Variants in LUZP2 observed in about 807,000 individuals in gnomAD.
The protein encoded by LUZP2 is leucine zipper protein 2.
LUZP2 carries 52 observed loss-of-function variants against 51.6 expected under a neutral mutation model. The observed-to-expected ratio is 1.01, with a 90% confidence interval of 0.81 to 1.27. The LOEUF (loss-of-function observed/expected upper bound fraction) is 1.27. LUZP2 is among the 50% of genes most tolerant of loss of function. The pLI is 0.00. For synonymous variants in LUZP2, 154 were observed against 137.3 expected (o/e 1.12, Z -0.85); for missense variants, 436 against 395.4 (o/e 1.10, Z -0.87).
chr11:24,501,618 G>T (rs546105508), intron 1 of LUZP2, among the ~76,000 whole-genome samples: 3 of 152,146 alleles, frequency 2.0e-5, no homozygotes, highest in South Asian at 4.2e-4. Flanking sequence ...TAAAATTATG[G>T]TTCCTTTTCT....
At chr11:24,844,177 G>T (rs1372530633) in intron 5 of LUZP2, among the ~76,000 whole-genome samples, 1 of 152,152 alleles carries the variant, frequency 6.6e-6, no homozygotes, top group Non-Finnish European at 1.5e-5. Context: ...GAATGGTTTT[G>T]CCCAATAATA....
intron 5 of LUZP2, among the ~76,000 whole-genome samples, chr11:24,857,345 T>G (rs1565000803): frequency 6.7e-6 from 1 of 149,130 alleles, no homozygotes; most frequent in Non-Finnish European, 1.5e-5. Context: ...ATATATAATA[T>G]ATATGTTTTT....
chr11:24,579,496 C>T (rs978963791), intron 1 of LUZP2, among the ~76,000 whole-genome samples: 10 of 152,134 alleles, frequency 6.6e-5, no homozygotes, highest in Middle Eastern at 3.4e-3. Flanking sequence ...TTGCAAAGGA[C>T]AAAATTGTTG....
chr11:24,539,557 C>A (rs1235528549), intron 1 of LUZP2, among the ~76,000 whole-genome samples: 1 of 151,956 alleles, frequency 6.6e-6, no homozygotes, highest in African/African-American at 2.4e-5. Context: ...CCTCCCCTTA[C>A]CGATTTTGAT....
At chr11:25,060,636 T>A (rs554583716) in intron 10 of LUZP2, among the ~76,000 whole-genome samples, 1 of 152,322 alleles carries the variant, frequency 6.6e-6, no homozygotes, top group Non-Finnish European at 1.5e-5. Context: ...ACAAATGAGA[T>A]AAAATGAGGT....
chr11:24,995,077 T>C (rs1300471003), intron 9 of LUZP2, among the ~76,000 whole-genome samples: 5 of 152,188 alleles, frequency 3.3e-5, no homozygotes, highest in Non-Finnish European at 7.3e-5. Flanking sequence ...AATAAATTGA[T>C]ATAGGTTTTG....
intron 1 of LUZP2, among the ~76,000 whole-genome samples, chr11:24,526,921 C>A (rs1260200050): frequency 6.6e-6 from 1 of 151,326 alleles, no homozygotes. Flanking sequence ...AGGTGGCACT[C>A]TAAGGGGTCT....
intron 5 of LUZP2, among the ~76,000 whole-genome samples, chr11:24,904,739 G>C (rs1166158004): frequency 6.6e-6 from 1 of 152,014 alleles, no homozygotes; most frequent in Non-Finnish European, 1.5e-5. Flanking sequence ...TTCTTCTGCT[G>C]TGCAGAAGTA....
At chr11:24,976,474 GT>G (rs71044328) in intron 7 of LUZP2, 116 bp from the exon 8 acceptor site, 8,178 of 368,300 alleles carry the variant, frequency 0.022, 45 homozygotes, top group South Asian at 0.075. Context: ...ACAGGACACT[GT>G]TTTTTTTTTT....
At chr11:24,654,949 A>G (rs1332235411) in intron 1 of LUZP2, among the ~76,000 whole-genome samples, 1 of 151,970 alleles carries the variant, frequency 6.6e-6, no homozygotes, top group Non-Finnish European at 1.5e-5. Flanking sequence ...TTGTTTGGAT[A>G]CTTAGACTAA....
intron 1 of LUZP2, among the ~76,000 whole-genome samples, chr11:24,500,249 CAAAG>C (rs1849954749): frequency 2.0e-5 from 3 of 151,972 alleles, no homozygotes. Flanking sequence ...AAAAAACGAA[CAAAG>C]AAAAAGAGCT....
intron 7 of LUZP2, among the ~76,000 whole-genome samples, chr11:24,976,087 A>G (rs1855874400): frequency 6.6e-6 from 1 of 151,852 alleles, no homozygotes; most frequent in South Asian, 2.1e-4. Flanking sequence ...ACAAATAAAT[A>G]TCTCTGTTGT....
At chr11:24,727,836 T>C (rs1858537063) in intron 1 of LUZP2, among the ~76,000 whole-genome samples, 1 of 147,172 alleles carries the variant, frequency 6.8e-6, no homozygotes, top group Admixed American at 6.7e-5. Context: ...TAGATACCTA[T>C]ATTTAGCAAA....
rs1208736615 is a variant in LUZP2, at chr11:24,648,029, G to A, written c.63-81140G>A. ...TTTGAACTTTCTTTCTTCACCTGCT[G>A]TGCTAGCCCTGTTTTCCTCTAGCAT... On this transcript the variant is annotated intron_variant, in intron 1 of 11. Coordinates refer to ENST00000336930, the MANE Select transcript of LUZP2 (RefSeq NM_001009909.4). Among the ~76,000 whole-genome samples the A allele has an allele frequency of 2.6e-5, 4 of 151,776 alleles. No individual in the cohort carries two copies. In the East Asian group the frequency reaches 5.8e-4, roughly 22 times the overall value.
chr11:24,894,031 T>C (rs1852941036), intron 5 of LUZP2, among the ~76,000 whole-genome samples: 1 of 152,184 alleles, frequency 6.6e-6, no homozygotes, highest in African/African-American at 2.4e-5. Context: ...GTGAGTTCTT[T>C]GAAAGCAGAT....
intron 7 of LUZP2, among the ~76,000 whole-genome samples, chr11:24,932,778 G>A (rs916967197): frequency 3.9e-5 from 6 of 152,126 alleles, no homozygotes; most frequent in Non-Finnish European, 8.8e-5. Context: ...CCTGCCTGCC[G>A]CAGCTTCTGT....
intron 10 of LUZP2, among the ~76,000 whole-genome samples, chr11:25,057,264 C>G (rs1474531116): frequency 6.6e-6 from 1 of 152,056 alleles, no homozygotes; most frequent in African/African-American, 2.4e-5. Context: ...ATAAAACATG[C>G]TTATTTTTAG....
At chr11:24,815,002 A>T (rs1178094222) in intron 5 of LUZP2, among the ~76,000 whole-genome samples, 3 of 146,138 alleles carry the variant, frequency 2.1e-5, no homozygotes, top group South Asian at 2.2e-4. Flanking sequence ...AAAAAAAAAA[A>T]AAAATAAAAA....
At chr11:24,820,704 A>G (rs1850332491) in intron 5 of LUZP2, among the ~76,000 whole-genome samples, 2 of 152,148 alleles carry the variant, frequency 1.3e-5, no homozygotes, top group Admixed American at 1.3e-4. Flanking sequence ...GGCAAATATG[A>G]TTCAGAGATT....
Sources: allele counts gnomAD v4.1 joint callset (sites outside exome capture counted in the v4.1 genomes callset), GRCh38; gene constraint gnomAD v4.1.1; transcripts MANE v1.5; gene names NCBI Gene and HGNC (gene_info 2026-07-23, HGNC 2026-07-21).